The following MAX variants were observed in gnomAD, a reference collection of about 807,000 sequenced individuals.
The protein encoded by MAX is protein max.
MAX carries 3 observed loss-of-function variants against 22.3 expected under a neutral mutation model. That is an observed-to-expected ratio of 0.13 (90% CI 0.06 to 0.35). MAX has a LOEUF of 0.35. Among genes scored for constraint, MAX ranks in the 10% least tolerant of loss-of-function variants. The probability of loss-of-function intolerance (pLI) is 1.00; values close to 1 mark genes in which losing one functional copy is unlikely to be tolerated. For synonymous variants in MAX, 72 were observed against 77.7 expected (o/e 0.93, Z 0.39); for missense variants, 119 against 209.4 (o/e 0.57, Z 2.66).
Position 65,077,899 on chromosome 14 carries a change from G to A in MAX, c.295+14C>T, listed in dbSNP as rs762605226. On this transcript the variant is annotated intron_variant, in intron 4 of 4. Transcript: ENST00000358664. The surrounding 1 kb of genome is among the most constrained non-coding windows in gnomAD (Gnocchi z 6.3). ...CACAGCAGGGCCAGCTGCCCCACGA[G>A]CTCGGGTGCTCACCTTGCTGCTCCA... 6.2e-7 allele frequency: 1 copy of A among 1,614,214 alleles called. No individual in the cohort carries two copies. Among genetic ancestry groups the A allele is most frequent in the Non-Finnish European group, 8.5e-7 (1 of 1,180,028 alleles).
intron 3 of MAX, among the ~76,000 whole-genome samples, chr14:65,040,249 A>ATATATATGTG (rs2062314367): frequency 3.4e-5 from 5 of 146,734 alleles, no homozygotes; most frequent in East Asian, 2.0e-4. Context: ...GGTTATCACT[A>ATATATATGTG]TATATATATG....
rs1054124590 is a variant in MAX at position 65,054,260 on chromosome 14, C to T, written c.171+39448G>A. Reference sequence around the variant, plus strand: ...CCCAAGTAACTGGAATTACAGGCATCGGCCACCACACCTAGCTAATTTTTA... The same window carrying T: ...CCCAAGTAACTGGAATTACAGGCATTGGCCACCACACCTAGCTAATTTTTA... On this transcript the variant is annotated intron_variant, in intron 3 of 3. Transcript: ENST00000341653. The surrounding 1 kb of genome is among the most constrained non-coding windows in gnomAD (Gnocchi z 4.4). Among the ~76,000 whole-genome samples, 3 of 152,030 alleles carry T rather than the reference C, an allele frequency of 2.0e-5. No individual in the cohort carries two copies. Among genetic ancestry groups the T allele is most frequent in the Non-Finnish European group, 2.9e-5 (2 of 68,024 alleles).
intron 2 of MAX, chr14:65,094,227 T>C: frequency 3.6e-6 from 1 of 275,486 alleles, no homozygotes; most frequent in Non-Finnish European, 7.2e-6. Context: ...CTGTAAGAGA[T>C]TCCCCAGATG....
Position 65,093,546 on chromosome 14 carries a change from G to A in MAX, c.171+162C>T, listed in dbSNP as rs544514224. 7.4e-6 allele frequency: 5 copies of A among 672,092 alleles called. No homozygotes were observed. The highest frequency in any genetic ancestry group is 4.7e-5 in the South Asian group (3 of 63,450). 41.6% of individuals were successfully genotyped at this position (672,092 alleles called of 1,614,324 possible). A position where few individuals can be genotyped will look rare whatever the true frequency, so the allele number is the denominator to read the frequency against. ...TTTTGTTAAGGATAAACTGGAGTACGTAAGGTGTGCAGTGATCCTCCAAAC... is the reference window on the plus strand; with the variant it reads ...TTTTGTTAAGGATAAACTGGAGTACATAAGGTGTGCAGTGATCCTCCAAAC... On this transcript the variant is annotated intron_variant, in intron 3 of 4. Transcript: ENST00000358664. The surrounding 1 kb of genome is among the most constrained non-coding windows in gnomAD (Gnocchi z 4.4).
In MAX at chr14:65,093,533, T is replaced by G; in HGVS notation, c.171+175A>C. On this transcript the variant is annotated intron_variant, in intron 3 of 4. Coordinates refer to ENST00000358664, the MANE Select transcript of MAX (RefSeq NM_002382.5). This position sits in a 1 kb window ranked among gnomAD's most constrained non-coding sequence, Gnocchi z 4.4. ...TATATCTGACATATTTTGTTAAGGA[T>G]AAACTGGAGTACGTAAGGTGTGCAG... 3.1e-6 allele frequency: 2 copies of G among 639,092 alleles called. No homozygotes were observed. Among genetic ancestry groups the G allele is most frequent in the Admixed American group, 4.6e-5 (2 of 43,410 alleles). The allele number at this position is 639,092 out of a possible 1,614,324, so 39.6% of individuals were successfully genotyped here.
chr14:65,087,135 A>C (rs191150167), intron 3 of MAX, among the ~76,000 whole-genome samples: 10 of 152,336 alleles, frequency 6.6e-5, no homozygotes, highest in Admixed American at 2.0e-4. Flanking sequence ...CTCTGCCTAG[A>C]TTTCAGAGGA....
At position 65,084,975 on chromosome 14, in the gene MAX, G is replaced by A. The variant is rs1192976204; in HGVS notation, c.172-6939C>T. 4.4e-5 allele frequency among the ~76,000 whole-genome samples: 2 copies of A among 45,846 alleles called. No homozygotes were observed. Among genetic ancestry groups the A allele is most frequent in the Admixed American group, 1.4e-4 (1 of 7,390 alleles). 30.1% of individuals were successfully genotyped at this position (45,846 alleles called of 152,430 possible). A position where few individuals can be genotyped will look rare whatever the true frequency, so the allele number is the denominator to read the frequency against. ...ATTTTAGTCACATTAAATGGGGCAG[G>A]GGGGGTACGGAGAGTCTATTTTTGG... On this transcript the variant is annotated intron_variant, in intron 3 of 4. Coordinates refer to ENST00000358664, the MANE Select transcript of MAX (RefSeq NM_002382.5). The surrounding 1 kb of genome is among the most constrained non-coding windows in gnomAD (Gnocchi z 4.3).
Position 65,054,452 on chromosome 14 carries a change from C to A in MAX, c.171+39256G>T. Reference sequence around the variant, plus strand: ...CACTGCTGGGAAAACCATGCCTCCTCTAGCCACATGGAGGATGGGGGGGGA... The same window carrying A: ...CACTGCTGGGAAAACCATGCCTCCTATAGCCACATGGAGGATGGGGGGGGA... On this transcript the variant is annotated intron_variant, in intron 3 of 3. Transcript: ENST00000341653. The surrounding 1 kb of genome is among the most constrained non-coding windows in gnomAD (Gnocchi z 4.4). 1 of 992,798 alleles carries A rather than the reference C, an allele frequency of 1.0e-6. No individual in the cohort carries two copies. The highest frequency in any genetic ancestry group is 1.5e-6 in the Non-Finnish European group (1 of 672,290). The allele number at this position is 992,798 out of a possible 1,614,324, so 61.5% of individuals were successfully genotyped here. A position where few individuals can be genotyped will look rare whatever the true frequency, so the allele number is the denominator to read the frequency against.
intron 3 of MAX, among the ~76,000 whole-genome samples, chr14:65,021,774 C>T (rs1221511542): frequency 2.0e-5 from 3 of 152,156 alleles, no homozygotes; most frequent in Non-Finnish European, 4.4e-5. Context: ...GCCTCCCAAG[C>T]AGCTGGGACT....
chr14:65,055,256 G>A (rs1176378164), intron 3 of MAX, among the ~76,000 whole-genome samples: 4 of 152,230 alleles, frequency 2.6e-5, no homozygotes, highest in Admixed American at 6.5e-5. Context: ...GCTCACTGCT[G>A]CAGCCAGCTG....
At position 65,007,177 on chromosome 14, in the gene MAX, A is replaced by C. The variant is rs529567494; in HGVS notation, c.172-893T>G. Among the ~76,000 whole-genome samples, 127 of 152,372 alleles carry C rather than the reference A, an allele frequency of 8.3e-4. 7 individuals carry two copies. In the South Asian group the frequency reaches 0.024, roughly 28 times the overall value. The stretch of plus-strand genomic sequence containing the variant: ...TGAAGGCAAACATCACCATCATAGA[A>C]TAAGCGAGGATATAAGAATAAATTA... On this transcript the variant is annotated intron_variant, in intron 3 of 3. Transcript: ENST00000341653. This position sits in a 1 kb window ranked among gnomAD's most constrained non-coding sequence, Gnocchi z 4.9.
At chr14:65,022,345 C>T (rs1027996367) in intron 3 of MAX, among the ~76,000 whole-genome samples, 11 of 150,646 alleles carry the variant, frequency 7.3e-5, no homozygotes, top group Non-Finnish European at 1.3e-4. Context: ...TATAACTTAT[C>T]CTAGGCCTTA....
chr14:65,080,466 T>C (rs376218441), intron 3 of MAX, among the ~76,000 whole-genome samples: 94 of 152,218 alleles, frequency 6.2e-4, no homozygotes, highest in African/African-American at 2.2e-3. Flanking sequence ...ATACTGGAGA[T>C]GGAATGAAAA....
exon 4 of MAX, chr14:65,006,213 G>A (rs2139486821): frequency 6.2e-7 from 1 of 1,610,640 alleles, no homozygotes; most frequent in Non-Finnish European, 8.5e-7. Context: ...ATTAGCCATG[G>A]CAGAAAACAG....
intron 3 of MAX, among the ~76,000 whole-genome samples, chr14:65,015,172 G>C (rs192329912): frequency 1.8e-4 from 27 of 150,478 alleles, no homozygotes; most frequent in African/African-American, 6.3e-4. Flanking sequence ...GTGCCATCTC[G>C]GCTCACTGCA....
intron 2 of MAX, chr14:65,094,298 T>A: frequency 4.4e-6 from 1 of 227,766 alleles, no homozygotes; most frequent in Non-Finnish European, 8.9e-6. Context: ...ACCATCACCA[T>A]GAGTCCCAAG....
At chr14:65,025,525 G>T (rs1185258119) in intron 3 of MAX, among the ~76,000 whole-genome samples, 1 of 152,198 alleles carries the variant, frequency 6.6e-6, no homozygotes, top group Admixed American at 6.5e-5. Context: ...TGTTAAAAAT[G>T]TGTCACATGC....
chr14:65,096,984 C>T (rs2063693297), intron 2 of MAX, among the ~76,000 whole-genome samples: 1 of 152,166 alleles, frequency 6.6e-6, no homozygotes, highest in Admixed American at 6.5e-5. Flanking sequence ...CCAGAAAACC[C>T]TTCCTCCAGG....
chr14:65,032,513 G>C lies in MAX; in HGVS notation c.172-26229C>G. 1 of 1,352,226 alleles carries C rather than the reference G, an allele frequency of 7.4e-7. No homozygotes were observed. Among genetic ancestry groups the C allele is most frequent in the Non-Finnish European group, 1.0e-6 (1 of 997,232 alleles). The allele number at this position is 1,352,226 out of a possible 1,614,324, so 83.8% of individuals were successfully genotyped here. A position where few individuals can be genotyped will look rare whatever the true frequency, so the allele number is the denominator to read the frequency against. ...AGAGTGAGGACAGGAGGTGATTACA[G>C]CTTACTAGGCAAGGCGAGCAGTCCG... On this transcript the variant is annotated intron_variant, in intron 3 of 3. Coordinates refer to the MAX transcript ENST00000341653. The surrounding 1 kb of genome is among the most constrained non-coding windows in gnomAD (Gnocchi z 5.0).
Sources: allele counts gnomAD v4.1 joint callset (sites outside exome capture counted in the v4.1 genomes callset), GRCh38; gene constraint gnomAD v4.1.1; non-coding constraint Gnocchi (gnomAD v3.1); transcripts MANE v1.5; gene names NCBI Gene and HGNC (gene_info 2026-07-23, HGNC 2026-07-21).